The following TPD52L1 variants were observed in gnomAD, a reference collection of about 807,000 sequenced individuals.
The protein encoded by TPD52L1 is TPD52 like 1.
Under a neutral mutation model 28.7 loss-of-function variants are expected in TPD52L1, and 18 were observed. The observed-to-expected ratio is 0.63, with a 90% CI of 0.43 to 0.93. The LOEUF (loss-of-function observed/expected upper bound fraction) is 0.93, where lower values mean the gene tolerates loss of function less well. Among genes scored for constraint, TPD52L1 ranks in the 40% least tolerant of loss-of-function variants. TPD52L1 has a pLI of 0.00. For synonymous variants in TPD52L1, 75 were observed against 88.8 expected (o/e 0.84, Z 0.88); for missense variants, 203 against 254.8 (o/e 0.80, Z 1.39).
At chr6:125,157,834 G>A (rs1288717673) in intron 1 of TPD52L1, among the ~76,000 whole-genome samples, 6 of 151,992 alleles carry the variant, frequency 3.9e-5, no homozygotes, top group Non-Finnish European at 5.9e-5. Flanking sequence ...CACAAACTTC[G>A]TGGCCTAAAA....
intron 1 of TPD52L1, among the ~76,000 whole-genome samples, chr6:125,201,914 C>CAGTAGT (rs1276736408): frequency 2.0e-5 from 3 of 152,088 alleles, no homozygotes; most frequent in African/African-American, 7.2e-5. Flanking sequence ...TGGGCATTGT[C>CAGTAGT]AGTAGTAGCT....
At chr6:125,200,711 T>C (rs1298435555) in intron 1 of TPD52L1, among the ~76,000 whole-genome samples, 2 of 152,210 alleles carry the variant, frequency 1.3e-5, no homozygotes, top group Non-Finnish European at 2.9e-5. Context: ...CAGATGCAAA[T>C]ATGATGCAGT....
chr6:125,240,863 T>C (rs931437832), intron 3 of TPD52L1, among the ~76,000 whole-genome samples: 23 of 152,158 alleles, frequency 1.5e-4, no homozygotes, highest in African/African-American at 5.5e-4. Flanking sequence ...CTGTACTATA[T>C]TGAATAGAAG....
chr6:125,191,668 A>G (rs1793053588), intron 1 of TPD52L1, among the ~76,000 whole-genome samples: 2 of 152,154 alleles, frequency 1.3e-5, no homozygotes, highest in South Asian at 4.1e-4. Context: ...AGACCAAATG[A>G]ACTCTAAGCA....
intron 5 of TPD52L1, among the ~76,000 whole-genome samples, chr6:125,254,137 G>A (rs935406565): frequency 4.6e-5 from 7 of 152,182 alleles, no homozygotes; most frequent in East Asian, 3.8e-4. Context: ...TCTTATTTCC[G>A]CAGAATTAAA....
chr6:125,158,497 A>G (rs1790292279), intron 1 of TPD52L1, among the ~76,000 whole-genome samples: 1 of 152,212 alleles, frequency 6.6e-6, no homozygotes, highest in African/African-American at 2.4e-5. Flanking sequence ...TTCAGGAAGT[A>G]CATAAGGCAG....
intron 1 of TPD52L1, among the ~76,000 whole-genome samples, chr6:125,169,780 T>G (rs1466263139): frequency 1.3e-5 from 2 of 151,958 alleles, no homozygotes; most frequent in Non-Finnish European, 2.9e-5. Flanking sequence ...ACCAGAGTGA[T>G]CCTTTCACTC....
At chr6:125,203,812 A>T (rs1413767229) in intron 1 of TPD52L1, 1 of 985,114 alleles carries the variant, frequency 1.0e-6, no homozygotes, top group African/African-American at 1.7e-5. Context: ...TCTGGCTTTC[A>T]TTGTAGAAAA....
chr6:125,239,604 G>A (rs1380824874), intron 3 of TPD52L1, among the ~76,000 whole-genome samples: 1 of 152,164 alleles, frequency 6.6e-6, no homozygotes, highest in Non-Finnish European at 1.5e-5. Context: ...ACTTATGGGA[G>A]CTACAATTCA....
At chr6:125,207,097 G>A (rs959172738) in intron 1 of TPD52L1, among the ~76,000 whole-genome samples, 6 of 152,130 alleles carry the variant, frequency 3.9e-5, no homozygotes, top group African/African-American at 1.2e-4. Context: ...AACATTGGTT[G>A]ATCAAGTCCT....
chr6:125,242,355 A>G (rs1412471904), intron 3 of TPD52L1, among the ~76,000 whole-genome samples: 2 of 151,948 alleles, frequency 1.3e-5, no homozygotes, highest in African/African-American at 4.8e-5. Flanking sequence ...TTGATTTTCC[A>G]TCTTGATGAC....
chr6:125,241,756 T>A (rs1241927319), intron 3 of TPD52L1, among the ~76,000 whole-genome samples: 1 of 152,084 alleles, frequency 6.6e-6, no homozygotes, highest in Non-Finnish European at 1.5e-5. Context: ...ATTTTGTTTA[T>A]CTTTTTGAAG....
At chr6:125,164,812 G>A (rs1381267173) in intron 1 of TPD52L1, among the ~76,000 whole-genome samples, 4 of 151,996 alleles carry the variant, frequency 2.6e-5, no homozygotes, top group Non-Finnish European at 5.9e-5. Flanking sequence ...GAATTTTCAC[G>A]GTTTGAAGCA....
intron 1 of TPD52L1, among the ~76,000 whole-genome samples, chr6:125,190,639 G>A (rs1309294315): frequency 1.3e-5 from 2 of 152,166 alleles, no homozygotes; most frequent in Non-Finnish European, 2.9e-5. Flanking sequence ...TCCTGAGCTT[G>A]TTTTTCTGCA....
chr6:125,214,847 C>T (rs763015303), intron 1 of TPD52L1, among the ~76,000 whole-genome samples: 8 of 152,272 alleles, frequency 5.3e-5, no homozygotes, highest in Non-Finnish European at 1.0e-4. Flanking sequence ...TCTGATTTAA[C>T]ATCATTTAAC....
rs149306307 is a variant in TPD52L1 at position 125,243,797 on chromosome 6, A to G, written c.285-4485A>G. Among the ~76,000 whole-genome samples, 151 of 151,952 alleles carry G rather than the reference A, an allele frequency of 9.9e-4. 3 individuals are homozygous for G. In the East Asian group the frequency reaches 0.025, roughly 25 times the overall value. On this transcript the variant is annotated intron_variant, in intron 3 of 6. Transcript: ENST00000534000. ...ACAATTCTGAATTCTTTATCTGGCA[A>G]TTCAGAGATTTCGTCTTGGTTTGGA... is the stretch of plus-strand genomic sequence containing the variant.
At chr6:125,221,069 C>G (rs962483672) in intron 2 of TPD52L1, among the ~76,000 whole-genome samples, 4 of 152,176 alleles carry the variant, frequency 2.6e-5, no homozygotes, top group Admixed American at 6.5e-5. Context: ...ACCCTCTCCC[C>G]ACTTTGTCCA....
chr6:125,198,209 G>A (rs934972265), intron 1 of TPD52L1, among the ~76,000 whole-genome samples: 3 of 152,188 alleles, frequency 2.0e-5, no homozygotes, highest in Admixed American at 6.5e-5. Context: ...AACAACCCAA[G>A]AGGCCATCAG....
chr6:125,230,678 G>A (rs1795896478), intron 3 of TPD52L1, among the ~76,000 whole-genome samples: 1 of 152,146 alleles, frequency 6.6e-6, no homozygotes, highest in Admixed American at 6.6e-5. Context: ...TCTAAAACGA[G>A]CATGACATCT....
Sources: gnomAD v4.1 joint callset for allele counts (sites outside exome capture counted in the v4.1 genomes callset) on GRCh38, gnomAD v4.1.1 for gene constraint, MANE v1.5 for transcripts, NCBI Gene and HGNC (gene_info 2026-07-23, HGNC 2026-07-21) for gene names.